Variants in RMDN2 observed in about 807,000 individuals in gnomAD.
RMDN2 encodes regulator of microtubule dynamics 2, also known as regulator of microtubule dynamics protein 2.
A neutral mutation model predicts 52.8 loss-of-function variants in RMDN2; 61 were observed. That is an observed-to-expected ratio of 1.16 (90% confidence interval 0.94 to 1.43). The LOEUF is 1.43. RMDN2 is among the 40% of genes most tolerant of loss of function. The pLI, the probability that RMDN2 is intolerant of heterozygous loss-of-function variation, is 0.00. For missense variants in RMDN2, 592 were observed against 475.3 expected, an observed-to-expected ratio of 1.25 and a Z score of -2.28; for synonymous variants, 180 against 153.1, an observed-to-expected ratio of 1.18 and a Z score of -1.30.
At chr2:38,036,059 C>T (rs1056236161) in intron 10 of RMDN2, 2 of 152,042 alleles carry the variant, frequency 1.3e-5, no homozygotes, top group African/African-American at 2.4e-5. Context: ...ACTAAATAGC[C>T]TCGCTGGGCA....
intron 2 of RMDN2, among the ~76,000 whole-genome samples, chr2:37,957,828 T>C (rs1208185314): frequency 6.6e-6 from 1 of 152,202 alleles, no homozygotes; most frequent in East Asian, 1.9e-4. Context: ...TTGTATAAGG[T>C]ATAAGGAAGG....
At chr2:38,015,440 C>T (rs1678622334) in intron 10 of RMDN2, among the ~76,000 whole-genome samples, 1 of 152,060 alleles carries the variant, frequency 6.6e-6, no homozygotes, top group Non-Finnish European at 1.5e-5. Context: ...TAGCACGTGC[C>T]TGTAGCCCCA....
At chr2:37,938,401 T>C (rs1305081235) in intron 2 of RMDN2, among the ~76,000 whole-genome samples, 1 of 152,256 alleles carries the variant, frequency 6.6e-6, no homozygotes, top group East Asian at 1.9e-4. Flanking sequence ...AGGATGATGC[T>C]GGCCTCATAA....
chr2:38,015,415 A>G (rs1363477636), intron 10 of RMDN2, among the ~76,000 whole-genome samples: 1 of 152,066 alleles, frequency 6.6e-6, no homozygotes, highest in African/African-American at 2.4e-5. Context: ...AAATACAAAA[A>G]TTAGCTGGGC....
chr2:38,064,290 G>T (rs751608214), intron 10 of RMDN2, among the ~76,000 whole-genome samples: 6 of 152,094 alleles, frequency 3.9e-5, no homozygotes, highest in Non-Finnish European at 8.8e-5. Flanking sequence ...AGGAGTTTGA[G>T]ACTAGCCTAA....
intron 2 of RMDN2, among the ~76,000 whole-genome samples, chr2:37,963,562 A>T (rs1255503934): frequency 3.9e-5 from 6 of 152,200 alleles, no homozygotes; most frequent in Non-Finnish European, 8.8e-5. Flanking sequence ...AACAAAGCAC[A>T]TCTTGCACTG....
At chr2:38,027,189 G>A (rs943755344) in intron 10 of RMDN2, 5 of 152,142 alleles carry the variant, frequency 3.3e-5, no homozygotes, top group African/African-American at 7.2e-5. Flanking sequence ...TCCTCAGCAC[G>A]AGGAGATTTC....
intron 7 of RMDN2, among the ~76,000 whole-genome samples, chr2:37,992,599 C>T (rs6544129): frequency 0.16 from 25,027 of 152,058 alleles, 2,163 homozygotes; most frequent in African/African-American, 0.19. Context: ...TTTACACTTC[C>T]TGGTAATTTT....
intron 2 of RMDN2, among the ~76,000 whole-genome samples, chr2:37,944,807 A>G (rs1668088029): frequency 6.6e-6 from 1 of 152,170 alleles, no homozygotes; most frequent in African/African-American, 2.4e-5. Context: ...GAGAACATAT[A>G]TTTTATGTTT....
intron 10 of RMDN2, chr2:38,029,471 C>G (rs1408607013): frequency 6.6e-6 from 1 of 152,040 alleles, no homozygotes; most frequent in Non-Finnish European, 1.5e-5. Context: ...ACCCTAAGAT[C>G]TTCAATAACG....
chr2:38,001,525 A>G (rs1374196), intron 8 of RMDN2, among the ~76,000 whole-genome samples: 70,383 of 152,090 alleles, frequency 0.46, 18,958 homozygotes, highest in East Asian at 0.78. Context: ...ATGAGAACAA[A>G]AAGAGATGTT....
chr2:37,951,185 C>G (rs767813633), intron 2 of RMDN2: 3 of 1,507,814 alleles, frequency 2.0e-6, no homozygotes, highest in Non-Finnish European at 2.6e-6. Flanking sequence ...CAGGTCTCCA[C>G]TCTGCTCCCT....
At chr2:38,037,647 C>G (rs550782651) in intron 10 of RMDN2, among the ~76,000 whole-genome samples, 1 of 152,196 alleles carries the variant, frequency 6.6e-6, no homozygotes, top group Admixed American at 6.5e-5. Flanking sequence ...AAACATAGTT[C>G]AGAACCTGAT....
At chr2:37,998,740 A>C (rs1675914086) in intron 8 of RMDN2, among the ~76,000 whole-genome samples, 1 of 152,176 alleles carries the variant, frequency 6.6e-6, no homozygotes, top group Non-Finnish European at 1.5e-5. Context: ...TCAAAAAATA[A>C]AAAAGAAACG....
chr2:37,963,642 A>G (rs1229758904), intron 2 of RMDN2, among the ~76,000 whole-genome samples: 1 of 152,250 alleles, frequency 6.6e-6, no homozygotes, highest in Non-Finnish European at 1.5e-5. Context: ...GGGCAAGGTC[A>G]TAGATCAACA....
At chr2:37,959,311 T>C (rs925679124) in intron 2 of RMDN2, among the ~76,000 whole-genome samples, 1 of 150,978 alleles carries the variant, frequency 6.6e-6, no homozygotes, top group Non-Finnish European at 1.5e-5. Context: ...AGGCTATTAA[T>C]TACTGCCTCA....
At chr2:38,053,507 C>T in intron 10 of RMDN2, among the ~76,000 whole-genome samples, 1 of 152,126 alleles carries the variant, frequency 6.6e-6, no homozygotes, top group East Asian at 1.9e-4. Flanking sequence ...TCCACAGACA[C>T]TTAAAATATT....
At chr2:38,060,748 A>G (rs375839734) in intron 10 of RMDN2, among the ~76,000 whole-genome samples, 158 of 152,274 alleles carry the variant, frequency 1.0e-3, no homozygotes, top group African/African-American at 3.7e-3. Context: ...TGTGGGGTCC[A>G]ATGGCCTAGA....
chr2:38,061,472 T>A (rs1682045223), intron 10 of RMDN2, among the ~76,000 whole-genome samples: 1 of 152,126 alleles, frequency 6.6e-6, no homozygotes, highest in Non-Finnish European at 1.5e-5. Context: ...ACCCTCTTTT[T>A]TTTTTAAGGT....
Sources: gnomAD v4.1 joint callset for allele counts (sites outside exome capture counted in the v4.1 genomes callset) on GRCh38, gnomAD v4.1.1 for gene constraint, MANE v1.5 for transcripts, NCBI Gene and HGNC (gene_info 2026-07-23, HGNC 2026-07-21) for gene names.